Variants in VWA2 observed in about 807,000 individuals in gnomAD.
VWA2 encodes von Willebrand factor A domain-containing protein 2.
In VWA2, 73 loss-of-function variants were observed where a neutral mutation model predicts 70.4. That is an observed-to-expected ratio of 1.04 (90% CI 0.86 to 1.26). The LOEUF is 1.26. VWA2 is among the 50% of genes most tolerant of loss of function. The pLI, the probability that VWA2 is intolerant of heterozygous loss-of-function variation, is 0.00. For missense variants in VWA2, 1,011 were observed against 998.5 expected (o/e 1.01, Z -0.17); for synonymous variants, 407 against 423.3 (o/e 0.96, Z 0.47).
chr10:114,265,631 A>G (rs145141250), intron 5 of VWA2, among the ~76,000 whole-genome samples: 1,743 of 152,282 alleles, frequency 0.011, 11 homozygotes, highest in Non-Finnish European at 0.018. Context: ...CTAGATGATT[A>G]GTTGAGCTGC....
chr10:114,266,166 G>A lies in VWA2; in HGVS notation c.371+4871G>A, dbSNP rs555406505. Among the ~76,000 whole-genome samples, 42 of 152,042 alleles carry A rather than the reference G, an allele frequency of 2.8e-4. No homozygotes were observed. The South Asian group carries it at 7.5e-3, about 27-fold the overall frequency. ...CAAAAAATTAGCCGGGCGTGGTGGCGGGCGCCTGTAGTCCCAGCTACTCGG... is the reference window on the plus strand; with the variant it reads ...CAAAAAATTAGCCGGGCGTGGTGGCAGGCGCCTGTAGTCCCAGCTACTCGG... On this transcript the variant is annotated intron_variant, in intron 5 of 13. Transcript: ENST00000392982.
intron 9 of VWA2, among the ~76,000 whole-genome samples, chr10:114,283,836 C>T (rs2038513364): frequency 2.0e-5 from 3 of 152,214 alleles, no homozygotes; most frequent in South Asian, 4.1e-4. Context: ...GCAGCCCCAG[C>T]GAAGTGCCTA....
In VWA2 at chr10:114,291,398, G is replaced by T; in HGVS notation, c.*161G>T. On this transcript the variant is annotated 3_prime_UTR_variant, in exon 14 of 14. Transcript: ENST00000392982. ...GGCCAGGACCACTATTCTCACTGAG[G>T]GAGGAGGATGTCCCAACTGCAGCCA... The T allele has an allele frequency of 1.3e-6, 1 of 784,670 alleles. No individual in the cohort carries two copies. The highest frequency in any genetic ancestry group is 1.9e-5 in the South Asian group (1 of 52,524). 48.6% of individuals were successfully genotyped at this position (784,670 alleles called of 1,614,324 possible). A position where few individuals can be genotyped will look rare whatever the true frequency, so the allele number is the denominator to read the frequency against.
intron 11 of VWA2, among the ~76,000 whole-genome samples, chr10:114,287,183 G>A (rs1170722530): frequency 4.6e-5 from 7 of 152,252 alleles, no homozygotes; most frequent in Middle Eastern, 3.4e-3. Flanking sequence ...GCTGAAACAC[G>A]TCTTTTTTTT....
chr10:114,243,485 C>T (rs2037009401), intron 1 of VWA2, among the ~76,000 whole-genome samples: 1 of 152,210 alleles, frequency 6.6e-6, no homozygotes, highest in South Asian at 2.1e-4. Flanking sequence ...AGGACTTCCC[C>T]ACCGGATATT....
In VWA2 at chr10:114,293,188, A is replaced by T. The variant is rs1052646415; in HGVS notation, c.*1951A>T. 1.3e-5 allele frequency among the ~76,000 whole-genome samples: 2 copies of T among 152,218 alleles called. No homozygotes were observed. The highest frequency in any genetic ancestry group is 4.8e-5 in the African/African-American group (2 of 41,458). Reference sequence around the variant, plus strand: ...AGTCATAATCATCTATATTCAAGGGATACTTTCATTGATAACTTTGTTATT... The same window carrying T: ...AGTCATAATCATCTATATTCAAGGGTTACTTTCATTGATAACTTTGTTATT... On this transcript the variant is annotated 3_prime_UTR_variant, in exon 14 of 14. Transcript: ENST00000392982.
At chr10:114,262,083 G>C (rs573604508) in intron 5 of VWA2, among the ~76,000 whole-genome samples, 1 of 152,012 alleles carries the variant, frequency 6.6e-6, no homozygotes, top group Non-Finnish European at 1.5e-5. Context: ...GGAGGGATCC[G>C]CCCCCATGAT....
intron 1 of VWA2, among the ~76,000 whole-genome samples, chr10:114,248,246 T>C (rs1206324105): frequency 1.3e-5 from 2 of 152,196 alleles, no homozygotes; most frequent in Admixed American, 1.3e-4. Context: ...TTAACCACAT[T>C]AGAAGGTTTC....
At chr10:114,271,608 A>AACACACACACACACACAC (rs142127208) in intron 5 of VWA2, among the ~76,000 whole-genome samples, 275 of 144,776 alleles carry the variant, frequency 1.9e-3, no homozygotes, top group African/African-American at 5.5e-3. Context: ...GAGAAGTAAA[A>AACACACACACACACACAC]ACACACACAC....
chr10:114,262,885 T>C (rs888835322), intron 5 of VWA2, among the ~76,000 whole-genome samples: 3 of 152,234 alleles, frequency 2.0e-5, no homozygotes, highest in Non-Finnish European at 4.4e-5. Flanking sequence ...CCTTGTGCCC[T>C]TGGGGCCTCC....
In VWA2 at chr10:114,248,772, T is replaced by A; in HGVS notation, c.52+7T>A. 2 of 1,613,260 alleles carry A rather than the reference T, an allele frequency of 1.2e-6. No homozygotes were observed. Among genetic ancestry groups the A allele is most frequent in the Non-Finnish European group, 8.5e-7 (1 of 1,179,252 alleles). ...GTTTTCCTGTTTTCCAGAGGTAAGATGTGTTTATTGGTGGTGGGGAAGTAC... is the reference window on the plus strand; with the variant it reads ...GTTTTCCTGTTTTCCAGAGGTAAGAAGTGTTTATTGGTGGTGGGGAAGTAC... On this transcript the variant is annotated splice_region_variant and intron_variant, in intron 2 of 13. Transcript: ENST00000392982.
intron 8 of VWA2, among the ~76,000 whole-genome samples, chr10:114,279,317 G>A (rs540476545): frequency 8.5e-4 from 130 of 152,186 alleles, no homozygotes; most frequent in African/African-American, 3.0e-3. Flanking sequence ...CCTGCTGCCC[G>A]TCTGCCCACC....
At position 114,254,952 on chromosome 10, in the gene VWA2, G is replaced by A; in HGVS notation, c.165G>A (p.Leu55=). 1.2e-6 allele frequency: 2 copies of A among 1,613,466 alleles called. No homozygotes were observed. Among genetic ancestry groups the A allele is most frequent in the South Asian group, 1.1e-5 (1 of 91,080 alleles). ...CGGCTGCAGTGGACATCATGTTTCTGTTAGATGGGTCTAACAGCGTCGGGA... is the reference window on the plus strand; with the variant it reads ...CGGCTGCAGTGGACATCATGTTTCTATTAGATGGGTCTAACAGCGTCGGGA... ...WCSAAVDIMF[L]LDGSNSVGKG... is the part of the protein sequence containing the mutation. The change falls in exon 4 of 14, where the codon CTG becomes CTA. Residue 55 remains leucine, a synonymous_variant. Transcript: ENST00000392982.
At chr10:114,268,744 G>C (rs1384271207) in intron 5 of VWA2, among the ~76,000 whole-genome samples, 2 of 151,246 alleles carry the variant, frequency 1.3e-5, no homozygotes, top group African/African-American at 4.9e-5. Context: ...GCTGAGGCTG[G>C]AGTGCAGTGG....
At position 114,292,437 on chromosome 10, in the gene VWA2, T is replaced by TA. The variant is rs1335942710; in HGVS notation, c.*1201dup. Among the ~76,000 whole-genome samples the TA allele has an allele frequency of 1.3e-5, 2 of 152,084 alleles. No homozygotes were observed. The highest frequency in any genetic ancestry group is 3.2e-3 in the Middle Eastern group (1 of 316). On this transcript the variant is annotated 3_prime_UTR_variant, in exon 14 of 14. Transcript: ENST00000392982. Reference sequence around the variant, plus strand: ...ATTTTGCTTTTTAAAGCATTGATCTTACGCTGTCTAGGTTTTAATTTTGTT... The same window carrying TA: ...ATTTTGCTTTTTAAAGCATTGATCTTAACGCTGTCTAGGTTTTAATTTTGTT...
intron 12 of VWA2, chr10:114,289,733 T>A (rs776328362): frequency 8.9e-6 from 5 of 562,932 alleles, no homozygotes; most frequent in Non-Finnish European, 1.3e-5. Flanking sequence ...ACTTGAGAAT[T>A]TATGCATTCC....
rs145894848 is a variant in VWA2, at chr10:114,286,342, C to T, written c.1401C>T (p.His467=). 8.5e-5 allele frequency: 137 copies of T among 1,613,302 alleles called. 2 individuals carry two copies. In the Admixed American group the frequency reaches 1.6e-3, roughly 19 times the overall value. The change falls in exon 11 of 14, where the codon CAC becomes CAT. Residue 467 remains histidine, a synonymous_variant. Coordinates refer to ENST00000392982, the MANE Select transcript of VWA2 (RefSeq NM_001272046.2). ...SEDEVAGPAR[H]ARARELLLLG... is the part of the protein sequence containing the mutation. ...ATGAGGTTGCGGGCCCAGCGCGTCACGCAAGGGCGCGAGAGCTGCTCCTGC... is the reference window on the plus strand; with the variant it reads ...ATGAGGTTGCGGGCCCAGCGCGTCATGCAAGGGCGCGAGAGCTGCTCCTGC...
intron 1 of VWA2, among the ~76,000 whole-genome samples, chr10:114,244,350 T>A (rs1253215251): frequency 3.3e-5 from 5 of 152,160 alleles, no homozygotes; most frequent in Non-Finnish European, 7.3e-5. Context: ...TCTCCCTTGT[T>A]GAACATCCTG....
chr10:114,277,130 A>G (rs117782090), intron 6 of VWA2, among the ~76,000 whole-genome samples: 3,268 of 147,650 alleles, frequency 0.022, 56 homozygotes, highest in Middle Eastern at 0.054. Context: ...TGACTTTTCA[A>G]GGACAGGATT....
Sources: gnomAD v4.1 joint callset for allele counts (sites outside exome capture counted in the v4.1 genomes callset) on GRCh38, gnomAD v4.1.1 for gene constraint, MANE v1.5 for transcripts, NCBI Gene and HGNC (gene_info 2026-07-23, HGNC 2026-07-21) for gene names.